The following MPZL1 variants were observed in gnomAD, a reference collection of about 807,000 sequenced individuals.
MPZL1 encodes the protein myelin protein zero-like protein 1.
MPZL1 carries 16 observed loss-of-function variants against 29.3 expected under a neutral mutation model. The ratio of observed to expected loss-of-function variants is 0.55; its 90% confidence interval spans 0.37 to 0.83. MPZL1 has a LOEUF of 0.83. Among genes scored for constraint, MPZL1 ranks in the 40% least tolerant of loss-of-function variants. The probability of loss-of-function intolerance (pLI) is 0.00; values close to 1 mark genes in which losing one functional copy is unlikely to be tolerated. For missense variants in MPZL1, 279 were observed against 332.9 expected (o/e 0.84, Z 1.26); for synonymous variants, 143 against 132.0 (o/e 1.08, Z -0.57).
intron 1 of MPZL1, among the ~76,000 whole-genome samples, chr1:167,728,106 C>T (rs1380957656): frequency 6.9e-6 from 1 of 145,848 alleles, no homozygotes; most frequent in Non-Finnish European, 1.5e-5. Flanking sequence ...GTCGCGCCAT[C>T]TCGGCTCATT....
intron 1 of MPZL1, among the ~76,000 whole-genome samples, chr1:167,756,600 T>C (rs1660874003): frequency 6.6e-6 from 1 of 152,176 alleles, no homozygotes; most frequent in African/African-American, 2.4e-5. Flanking sequence ...CAGACACTTT[T>C]TGTGTTGGGC....
At position 167,763,525 on chromosome 1, in the gene MPZL1, AAAG is replaced by A. The variant is rs1347248670; in HGVS notation, c.92-2055_92-2053del. Among the ~76,000 whole-genome samples the A allele has an allele frequency of 3.9e-5, 6 of 152,108 alleles. No individual in the cohort carries two copies. In the East Asian group the frequency reaches 1.2e-3, roughly 29 times the overall value. ...CAAAAAAAAAAAAAAGAAAGAAAGA[AAAG>A]AAAATCCTTGAGAAACTTTATTTAT... On this transcript the variant is annotated intron_variant, in intron 1 of 5. Transcript: ENST00000359523.
At chr1:167,764,538 TA>T (rs1190782237) in intron 1 of MPZL1, among the ~76,000 whole-genome samples, 28 of 152,228 alleles carry the variant, frequency 1.8e-4, no homozygotes, top group Non-Finnish European at 4.4e-5. Flanking sequence ...TTAAGTTCTT[TA>T]TAAGAAAAGG....
intron 1 of MPZL1, among the ~76,000 whole-genome samples, chr1:167,730,235 C>A (rs772968038): frequency 6.6e-6 from 1 of 152,154 alleles, no homozygotes; most frequent in East Asian, 1.9e-4. Flanking sequence ...ACTCTAAATG[C>A]TCCTCAGGGA....
intron 1 of MPZL1, among the ~76,000 whole-genome samples, chr1:167,752,141 T>G (rs1660772650): frequency 6.6e-6 from 1 of 152,230 alleles, no homozygotes; most frequent in Non-Finnish European, 1.5e-5. Context: ...TTAAACATCA[T>G]CTCATGTTTT....
intron 1 of MPZL1, among the ~76,000 whole-genome samples, chr1:167,763,804 C>G (rs538879083): frequency 1.3e-5 from 2 of 152,004 alleles, no homozygotes; most frequent in African/African-American, 4.8e-5. Flanking sequence ...AGGTTTGGAC[C>G]GCAAATAATA....
chr1:167,750,492 G>A (rs565782725), intron 1 of MPZL1, among the ~76,000 whole-genome samples: 1 of 152,166 alleles, frequency 6.6e-6, no homozygotes, highest in African/African-American at 2.4e-5. Context: ...GTGAGCCACC[G>A]TGCCTGGCCC....
chr1:167,757,877 A>C (rs1378497894), intron 1 of MPZL1, among the ~76,000 whole-genome samples: 1 of 152,150 alleles, frequency 6.6e-6, no homozygotes, highest in Non-Finnish European at 1.5e-5. Context: ...AGGTTGGGTG[A>C]GGTGGCTCAC....
At chr1:167,732,742 G>T (rs1660297091) in intron 1 of MPZL1, among the ~76,000 whole-genome samples, 1 of 152,170 alleles carries the variant, frequency 6.6e-6, no homozygotes, top group South Asian at 2.1e-4. Flanking sequence ...ACAGCCTCCT[G>T]AGTAGCTGGG....
At chr1:167,778,776 T>C (rs1461218504) in intron 5 of MPZL1, among the ~76,000 whole-genome samples, 1 of 150,030 alleles carries the variant, frequency 6.7e-6, no homozygotes, top group African/African-American at 2.5e-5. Flanking sequence ...CAGACCAAAA[T>C]GGAACTTCTG....
chr1:167,743,730 A>T (rs568156464), intron 1 of MPZL1, among the ~76,000 whole-genome samples: 1 of 152,184 alleles, frequency 6.6e-6, no homozygotes. Flanking sequence ...GGTGTATAGA[A>T]GAGCTACTGA....
intron 5 of MPZL1, among the ~76,000 whole-genome samples, chr1:167,779,542 G>A (rs551111975): frequency 4.0e-5 from 6 of 151,486 alleles, no homozygotes; most frequent in South Asian, 2.1e-4. Context: ...CCAAGATCGC[G>A]CCACTGCACT....
chr1:167,759,021 T>A (rs1159275306), intron 1 of MPZL1, among the ~76,000 whole-genome samples: 1 of 152,264 alleles, frequency 6.6e-6, no homozygotes, highest in Non-Finnish European at 1.5e-5. Flanking sequence ...TCATTTCATT[T>A]CTGTGTTTTT....
chr1:167,723,919 T>TA (rs1660091467), intron 1 of MPZL1, among the ~76,000 whole-genome samples: 1 of 152,222 alleles, frequency 6.6e-6, no homozygotes, highest in South Asian at 2.1e-4. Context: ...TCAAGACAGT[T>TA]ACTCAGCAAA....
intron 1 of MPZL1, among the ~76,000 whole-genome samples, chr1:167,730,358 A>C (rs1407876872): frequency 6.6e-6 from 1 of 151,482 alleles, no homozygotes; most frequent in Non-Finnish European, 1.5e-5. Context: ...CACTCAGCGC[A>C]GTCTCCACCT....
intron 1 of MPZL1, among the ~76,000 whole-genome samples, chr1:167,733,699 G>A (rs1317251084): frequency 6.6e-6 from 1 of 151,730 alleles, no homozygotes; most frequent in Non-Finnish European, 1.5e-5. Flanking sequence ...AGCTGAGATT[G>A]TGCCACTGCA....
intron 1 of MPZL1, among the ~76,000 whole-genome samples, chr1:167,731,172 C>T (rs1473021905): frequency 1.3e-5 from 2 of 152,170 alleles, no homozygotes; most frequent in South Asian, 2.1e-4. Flanking sequence ...CCGTGGCTCG[C>T]GCCTGTAATC....
At chr1:167,763,279 G>A (rs1201259956) in intron 1 of MPZL1, among the ~76,000 whole-genome samples, 1 of 152,106 alleles carries the variant, frequency 6.6e-6, no homozygotes, top group Admixed American at 6.5e-5. Context: ...CTTTGGGGGG[G>A]CCGGGGCTGG....
At chr1:167,731,434 CTTTTTTT>C (rs1255648939) in intron 1 of MPZL1, among the ~76,000 whole-genome samples, 1 of 121,588 alleles carries the variant, frequency 8.2e-6, no homozygotes, top group African/African-American at 3.3e-5. Context: ...AAAACTGTGT[CTTTTTTT>C]TTTTTTTTTT....
Sources: allele counts gnomAD v4.1 joint callset (sites outside exome capture counted in the v4.1 genomes callset), GRCh38; gene constraint gnomAD v4.1.1; transcripts MANE v1.5; gene names NCBI Gene and HGNC (gene_info 2026-07-23, HGNC 2026-07-21).